Variants in ARV1 observed in about 807,000 individuals in gnomAD.
The protein encoded by ARV1 is protein ARV1.
In ARV1, 26 loss-of-function variants were observed where a neutral mutation model predicts 31.1. The ratio of observed to expected loss-of-function variants is 0.84; its 90% CI spans 0.61 to 1.16. The LOEUF (loss-of-function observed/expected upper bound fraction) is 1.16. ARV1 is among the 50% of genes most tolerant of loss of function. The pLI, the probability that ARV1 is intolerant of heterozygous loss-of-function variation, is 0.00. For missense variants in ARV1, 281 were observed against 324.9 expected (o/e 0.86, Z 1.04); for synonymous variants, 117 against 123.2 (o/e 0.95, Z 0.34).
intron 1 of ARV1, among the ~76,000 whole-genome samples, chr1:230,984,353 T>TGC (rs1558241446): frequency 1.4e-5 from 1 of 72,902 alleles, no homozygotes; most frequent in African/African-American, 5.9e-5. Flanking sequence ...CGTGTGTGTG[T>TGC]GTGTGTGTGC....
chr1:230,991,317 C>T (rs1679220952), intron 3 of ARV1, among the ~76,000 whole-genome samples: 1 of 152,048 alleles, frequency 6.6e-6, no homozygotes, highest in Admixed American at 6.6e-5. Context: ...TCTGTCTGCT[C>T]TCGCTCTCTT....
Position 230,995,881 on chromosome 1 carries a change from A to T in ARV1, c.570A>T (p.Lys190Asn). ...CATTATTATTATCTAGCTACGGAAAACTCTTGCTGATTCCAGCTGTCATTT... is the reference window on the plus strand; with the variant it reads ...CATTATTATTATCTAGCTACGGAAATCTCTTGCTGATTCCAGCTGTCATTT... ...LKALLLSSYGKLLLIPAVIWE... is the reference protein window; with the variant it reads ...LKALLLSSYGNLLLIPAVIWE... The change falls in exon 4 of 6, where the codon AAA becomes AAT. Residue 190 changes from lysine to asparagine, a missense_variant. Lys to Asn is a moderately conservative substitution (Grantham distance 94, BLOSUM62 0). Coordinates refer to ENST00000310256, the MANE Select transcript of ARV1 (RefSeq NM_022786.3). The T allele has an allele frequency of 6.2e-7, 1 of 1,613,974 alleles. No homozygotes were observed. The highest frequency in any genetic ancestry group is 8.5e-7 in the Non-Finnish European group (1 of 1,179,990).
intron 1 of ARV1, among the ~76,000 whole-genome samples, chr1:230,987,770 T>C (rs1679124360): frequency 6.6e-6 from 1 of 152,206 alleles, no homozygotes; most frequent in African/African-American, 2.4e-5. Flanking sequence ...AGGCTTCCCC[T>C]GTTACCGGCC....
intron 1 of ARV1, among the ~76,000 whole-genome samples, chr1:230,982,382 T>A (rs981770305): frequency 3.3e-5 from 5 of 152,244 alleles, no homozygotes; most frequent in African/African-American, 1.2e-4. Context: ...TTTTAGTTAG[T>A]AGTCTTCAAT....
At chr1:230,980,496 C>T (rs921428355) in intron 1 of ARV1, among the ~76,000 whole-genome samples, 8 of 151,972 alleles carry the variant, frequency 5.3e-5, no homozygotes, top group Admixed American at 2.0e-4. Flanking sequence ...ACCACCACGC[C>T]GGGCTAATTT....
chr1:230,994,947 A>G (rs1679320654), intron 3 of ARV1, among the ~76,000 whole-genome samples: 1 of 152,256 alleles, frequency 6.6e-6, no homozygotes, highest in African/African-American at 2.4e-5. Context: ...GTAATATAAT[A>G]CATGTGTCCA....
intron 2 of ARV1, 117 bp downstream of exon 2, chr1:230,988,556 G>A (rs572508756): frequency 3.5e-5 from 30 of 868,364 alleles, no homozygotes; most frequent in East Asian, 1.6e-4. Context: ...AAATTCTAAT[G>A]TGAGAGTGGG....
chr1:230,994,738 G>C (rs1679316808), intron 3 of ARV1, among the ~76,000 whole-genome samples: 1 of 152,008 alleles, frequency 6.6e-6, no homozygotes, highest in Non-Finnish European at 1.5e-5. Context: ...TAGAGACGGG[G>C]TTTCACCGTG....
At chr1:230,984,109 G>A (rs928466995) in intron 1 of ARV1, among the ~76,000 whole-genome samples, 1 of 152,122 alleles carries the variant, frequency 6.6e-6, no homozygotes, top group South Asian at 2.1e-4. Context: ...AATCAGCTGG[G>A]CATGGTGGCA....
intron 3 of ARV1, among the ~76,000 whole-genome samples, chr1:230,994,286 TGA>T (rs1374157192): frequency 6.6e-6 from 1 of 152,240 alleles, no homozygotes; most frequent in Non-Finnish European, 1.5e-5. Flanking sequence ...TCTAGACTCC[TGA>T]GAGATGCTGT....
intron 3 of ARV1, among the ~76,000 whole-genome samples, chr1:230,995,334 G>A (rs1294404332): frequency 6.6e-6 from 1 of 152,202 alleles, no homozygotes; most frequent in African/African-American, 2.4e-5. Flanking sequence ...AGAATGCACA[G>A]AGAAAAATGT....
intron 3 of ARV1, 49 bp downstream of exon 3, chr1:230,990,312 C>T (rs1679195420): frequency 6.3e-7 from 1 of 1,599,504 alleles, no homozygotes; most frequent in Middle Eastern, 1.7e-4. Context: ...TCTTACTTAA[C>T]TAATCTGGTT....
chr1:230,987,733 A>G (rs1423056122), intron 1 of ARV1, among the ~76,000 whole-genome samples: 1 of 152,150 alleles, frequency 6.6e-6, no homozygotes, highest in East Asian at 1.9e-4. Flanking sequence ...TTCTTTCCAT[A>G]TCCTTGATGT....
intron 1 of ARV1, among the ~76,000 whole-genome samples, chr1:230,980,996 G>A (rs750185982): frequency 1.2e-4 from 18 of 152,068 alleles, no homozygotes; most frequent in Admixed American, 2.0e-4. Flanking sequence ...TCCAGTAGTC[G>A]ATTCTCAGTT....
intron 3 of ARV1, among the ~76,000 whole-genome samples, chr1:230,994,586 G>T (rs1337530992): frequency 6.9e-6 from 1 of 144,558 alleles, no homozygotes; most frequent in Non-Finnish European, 1.5e-5. Flanking sequence ...CTGTCGCCCA[G>T]ACTGGAGTGC....
At position 230,979,230 on chromosome 1, in the gene ARV1, A is replaced by G. The variant is rs578167943; in HGVS notation, c.125A>G (p.Lys42Arg). 1.4e-5 allele frequency: 23 copies of G among 1,613,706 alleles called. No homozygotes were observed. In the African/African-American group the frequency reaches 3.1e-4, roughly 22 times the overall value. ...YRCIECNQEA[K>R]ELYRDYNHGV... ...TGCATCGAATGCAACCAGGAGGCCA[A>G]AGAGTTGTACCGAGACTATAACCAC... Residue 42 changes from lysine (K) to arginine (R), a missense_variant, in exon 1 of 6, where the codon AAA becomes AGA. Coordinates refer to ENST00000310256, the MANE Select transcript of ARV1 (RefSeq NM_022786.3).
chr1:230,990,349 T>C, intron 3 of ARV1, 86 bp downstream of exon 3: 1 of 1,529,250 alleles, frequency 6.5e-7, no homozygotes, highest in Non-Finnish European at 8.9e-7. Flanking sequence ...GTCTTAATTG[T>C]TGGTAAGAAG....
chr1:230,997,797 G>A (rs1572344515), intron 5 of ARV1, among the ~76,000 whole-genome samples: 1 of 152,132 alleles, frequency 6.6e-6, no homozygotes, highest in Non-Finnish European at 1.5e-5. Flanking sequence ...TGCTAAGGCT[G>A]TTTGGGTGAG....
At chr1:230,983,666 A>G (rs923443088) in intron 1 of ARV1, among the ~76,000 whole-genome samples, 21 of 152,166 alleles carry the variant, frequency 1.4e-4, no homozygotes, top group Non-Finnish European at 2.4e-4. Flanking sequence ...CCTAGAGATG[A>G]CAGGAAGGAA....
Sources: allele counts gnomAD v4.1 joint callset (sites outside exome capture counted in the v4.1 genomes callset), GRCh38; gene constraint gnomAD v4.1.1; transcripts MANE v1.5; gene names NCBI Gene and HGNC (gene_info 2026-07-23, HGNC 2026-07-21).